DRD3: variants seen among roughly 807,000 people sequenced by gnomAD.
DRD3 encodes dopamine receptor D3.
DRD3 carries 19 observed loss-of-function variants against 36.3 expected under a neutral mutation model. The observed-to-expected ratio is 0.52, with a 90% CI of 0.36 to 0.77. DRD3 has a LOEUF of 0.77. Among genes scored for constraint, DRD3 ranks in the 30% least tolerant of loss-of-function variants. The probability of loss-of-function intolerance (pLI) is 0.00; values close to 1 mark genes in which losing one functional copy is unlikely to be tolerated. For synonymous variants in DRD3, 195 were observed against 203.7 expected, an observed-to-expected ratio of 0.96 and a Z score of 0.36; for missense variants, 465 against 505.3, an observed-to-expected ratio of 0.92 and a Z score of 0.77.
At chr3:114,188,898 C>T (rs911664527) in intron 1 of DRD3, among the ~76,000 whole-genome samples, 6 of 152,098 alleles carry the variant, frequency 3.9e-5, no homozygotes, top group African/African-American at 1.4e-4. Context: ...TTAAAATGAA[C>T]CCTAAGTAAT....
intron 5 of DRD3, among the ~76,000 whole-genome samples, chr3:114,139,296 G>T (rs1185388978): frequency 6.6e-6 from 1 of 152,202 alleles, no homozygotes; most frequent in Non-Finnish European, 1.5e-5. Flanking sequence ...GCCAGGTAAG[G>T]CAGGCTCTAG....
At chr3:114,168,227 C>T (rs2107879003) in intron 2 of DRD3, among the ~76,000 whole-genome samples, 1 of 152,274 alleles carries the variant, frequency 6.6e-6, no homozygotes, top group African/African-American at 2.4e-5. Context: ...AACATCAGCT[C>T]AGGGTGGAAA....
chr3:114,174,398 T>C (rs552739828), intron 1 of DRD3, among the ~76,000 whole-genome samples: 1 of 152,266 alleles, frequency 6.6e-6, no homozygotes, highest in Admixed American at 6.5e-5. Flanking sequence ...CATAAAACCT[T>C]AGGATACTTG....
At chr3:114,173,608 C>A (rs1426856708) in intron 1 of DRD3, among the ~76,000 whole-genome samples, 1 of 152,126 alleles carries the variant, frequency 6.6e-6, no homozygotes, top group African/African-American at 2.4e-5. Context: ...AGAGAAGAGG[C>A]CAGGGTCCCT....
At chr3:114,156,610 T>C (rs1156955530) in intron 3 of DRD3, among the ~76,000 whole-genome samples, 2 of 152,150 alleles carry the variant, frequency 1.3e-5, no homozygotes, top group African/African-American at 4.8e-5. Context: ...CCCTTAGAAG[T>C]AAAGCCTTAC....
Position 114,128,713 on chromosome 3 carries a change from C to A in DRD3, c.*3G>T. 1 of 1,588,364 alleles carries A rather than the reference C, an allele frequency of 6.3e-7. No homozygotes were observed. Among genetic ancestry groups the A allele is most frequent in the South Asian group, 1.2e-5 (1 of 86,780 alleles). On this transcript the variant is annotated 3_prime_UTR_variant, in exon 7 of 7. Coordinates refer to ENST00000383673, the MANE Select transcript of DRD3 (RefSeq NM_000796.6). Reference sequence around the variant, plus strand: ...TACAAAGAGTGTTCCCTCTTCTGCTCCCTCAGCAAGACAGGATCTTGAGGA... The same window carrying A: ...TACAAAGAGTGTTCCCTCTTCTGCTACCTCAGCAAGACAGGATCTTGAGGA...
rs547744332 is a variant in DRD3, at chr3:114,164,517, A to G, written c.271-4650T>C. ...ACTGATTATAAGGCAGCATTTCCCA[A>G]ATCTCCAGACACTCTTGTTAAACAA... On this transcript the variant is annotated intron_variant, in intron 2 of 6. Transcript: ENST00000383673. Among the ~76,000 whole-genome samples, 5 of 152,146 alleles carry G rather than the reference A, an allele frequency of 3.3e-5. No homozygotes were observed. The South Asian group carries it at 8.3e-4, about 25-fold the overall frequency.
intron 1 of DRD3, among the ~76,000 whole-genome samples, chr3:114,191,519 G>T (rs1023996372): frequency 2.0e-5 from 3 of 152,216 alleles, no homozygotes; most frequent in African/African-American, 7.2e-5. Context: ...GTAGGAGTTT[G>T]CATTTTATTC....
chr3:114,192,033 T>C (rs952359228), intron 1 of DRD3, among the ~76,000 whole-genome samples: 2 of 152,080 alleles, frequency 1.3e-5, no homozygotes, highest in African/African-American at 4.8e-5. Flanking sequence ...GGGGGAAGCT[T>C]TATAATGGAA....
Position 114,131,398 on chromosome 3 carries a change from G to T in DRD3, c.726C>A (p.Thr242=). The change falls in exon 6 of 7, where the codon ACC becomes ACA. Residue 242 remains threonine (T), a splice_region_variant and synonymous_variant. Coordinates refer to ENST00000383673, the MANE Select transcript of DRD3 (RefSeq NM_000796.6). The stretch of plus-strand genomic sequence containing the variant: ...CCAGATGTGCCGGGTCAGGAGAGAG[G>T]GTCTGCAGGTGTGACAAGAGGGAAT... ...NSVRPGFPQQ[T]LSPDPAHLEL... is the part of the protein sequence containing the mutation. 1.2e-6 allele frequency: 2 copies of T among 1,610,914 alleles called. No homozygotes were observed. The highest frequency in any genetic ancestry group is 1.7e-6 in the Non-Finnish European group (2 of 1,177,616).
At chr3:114,186,006 T>C (rs2077973311) in intron 1 of DRD3, among the ~76,000 whole-genome samples, 1 of 152,202 alleles carries the variant, frequency 6.6e-6, no homozygotes, top group Admixed American at 6.5e-5. Flanking sequence ...TAGTGTTTTG[T>C]TTACTACTTT....
rs201785194 is a variant in DRD3, at chr3:114,139,725, A to C, written c.527-29T>G. 5.0e-6 allele frequency: 8 copies of C among 1,606,118 alleles called. No individual in the cohort carries two copies. The South Asian group carries it at 8.8e-5, about 18-fold the overall frequency. On this transcript the variant is annotated intron_variant, in intron 4 of 6. Transcript: ENST00000383673. ...TGGATGAGAAGGGGGAAGGTAAAGC[A>C]GTTAGCAAGTATCAGAACTCAGTAA...
At chr3:114,166,136 C>T (rs2077782066) in intron 2 of DRD3, among the ~76,000 whole-genome samples, 1 of 152,030 alleles carries the variant, frequency 6.6e-6, no homozygotes, top group African/African-American at 2.4e-5. Flanking sequence ...CAGGTACCTG[C>T]CACTATGCCT....
At chr3:114,156,739 TTCTTTTTCTTTCTTTCTTTC>T in intron 3 of DRD3, among the ~76,000 whole-genome samples, 1 of 10,302 alleles carries the variant, frequency 9.7e-5, no homozygotes, top group Non-Finnish European at 4.0e-4. Context: ...CTTTCTTTCT[TTCTTTTTCTTTCTTTCTTTC>T]TTTCTTTCTT....
intron 1 of DRD3, among the ~76,000 whole-genome samples, chr3:114,184,874 T>C (rs184056136): frequency 4.6e-5 from 7 of 152,198 alleles, no homozygotes; most frequent in Non-Finnish European, 1.5e-5. Context: ...TCCTTCACTT[T>C]TGAAGGACAA....
chr3:114,156,799 CTCTTTTCTTTTTCTTTCTTT>C (rs2077681123), intron 3 of DRD3, among the ~76,000 whole-genome samples: 1 of 91,564 alleles, frequency 1.1e-5, no homozygotes, highest in African/African-American at 3.9e-5. Flanking sequence ...TTCTTTCTTT[CTCTTTTCTTTTTCTTTCTTT>C]TTTCTTTCTT....
chr3:114,146,883 A>G (rs1227762352), intron 4 of DRD3, among the ~76,000 whole-genome samples: 1 of 152,090 alleles, frequency 6.6e-6, no homozygotes, highest in Non-Finnish European at 1.5e-5. Flanking sequence ...TGTGCCAACC[A>G]TCATACCCAG....
rs80196663 is a variant in DRD3, at chr3:114,152,523, A to G, written c.384-4966T>C. Among the ~76,000 whole-genome samples, 64 of 152,352 alleles carry G rather than the reference A, an allele frequency of 4.2e-4. No homozygotes were observed. In the East Asian group the frequency reaches 0.012, roughly 28 times the overall value. ...ATTTTTTTCTTGCTCTTTTTTAAAC[A>G]TGATTAAACTGTTAGAATAAATGAG... On this transcript the variant is annotated intron_variant, in intron 3 of 6. Coordinates refer to ENST00000383673, the MANE Select transcript of DRD3 (RefSeq NM_000796.6).
At chr3:114,156,735 TTCTTTCTTTTTCTTTCTTTCTTTCTTTC>T (rs2077673008) in intron 3 of DRD3, among the ~76,000 whole-genome samples, 1 of 10,114 alleles carries the variant, frequency 9.9e-5, no homozygotes, top group East Asian at 0.021. Context: ...CTTTCTTTCT[TTCTTTCTTTTTCTTTCTTTCTTTCTTTC>T]TTTCTTTCTT....
Sources: allele counts gnomAD v4.1 joint callset (sites outside exome capture counted in the v4.1 genomes callset), GRCh38; gene constraint gnomAD v4.1.1; transcripts MANE v1.5; gene names NCBI Gene and HGNC (gene_info 2026-07-23, HGNC 2026-07-21).